Variants in MDM1 observed in about 807,000 individuals in gnomAD.
MDM1 encodes the protein stabilizer of axonemal microtubules 6.
A neutral mutation model predicts 89.1 loss-of-function variants in MDM1; 61 were observed. The ratio of observed to expected loss-of-function variants is 0.68; its 90% CI spans 0.56 to 0.85. The LOEUF (loss-of-function observed/expected upper bound fraction) is 0.85, where lower values mean the gene tolerates loss of function less well. MDM1 is among the 40% of genes least tolerant of loss of function. The pLI is 0.00. For missense variants in MDM1, 820 were observed against 846.5 expected (o/e 0.97, Z 0.39); for synonymous variants, 290 against 294.1 (o/e 0.99, Z 0.14).
At chr12:68,298,959 G>A (rs1871782659) in intron 13 of MDM1, among the ~76,000 whole-genome samples, 1 of 152,130 alleles carries the variant, frequency 6.6e-6, no homozygotes, top group South Asian at 2.1e-4. Context: ...CCGACACACT[G>A]AGTACACAGC....
At chr12:68,324,821 A>C (rs137950894) in intron 4 of MDM1, among the ~76,000 whole-genome samples, 1 of 152,304 alleles carries the variant, frequency 6.6e-6, no homozygotes, top group Non-Finnish European at 1.5e-5. Flanking sequence ...AGAACTCCCT[A>C]AAGGATGAAG....
At chr12:68,309,286 C>T (rs750040428) in intron 12 of MDM1, among the ~76,000 whole-genome samples, 3 of 152,192 alleles carry the variant, frequency 2.0e-5, no homozygotes, top group Non-Finnish European at 4.4e-5. Context: ...TTCTCCCCAT[C>T]CTTTTTTCCT....
At position 68,321,410 on chromosome 12, in the gene MDM1, G is replaced by T. The variant is rs762987152; in HGVS notation, c.942C>A (p.Ser314Arg). ...VNSEYRAKFLSPAQYLYKAGA... is the reference protein window; with the variant it reads ...VNSEYRAKFLRPAQYLYKAGA... The stretch of plus-strand genomic sequence containing the variant: ...CAGCTTTATATAAATACTGAGCTGG[G>T]CTCAGAAATTTTGCTCTATATTCGG... The change falls in exon 7 of 15, where the codon AGC becomes AGA. Residue 314 changes from serine (S) to arginine (R), a missense_variant. Ser to Arg is a moderately radical substitution (Grantham distance 110). Transcript: ENST00000682720. 8.1e-5 allele frequency: 131 copies of T among 1,613,614 alleles called. No individual in the cohort carries two copies. The highest frequency in any genetic ancestry group is 1.1e-4 in the Non-Finnish European group (130 of 1,179,850).
intron 10 of MDM1, among the ~76,000 whole-genome samples, chr12:68,314,123 C>T (rs920780505): frequency 7.5e-5 from 9 of 120,262 alleles, no homozygotes; most frequent in Non-Finnish European, 1.3e-4. Context: ...GGTGACAGAG[C>T]GAAACTCCGT....
intron 10 of MDM1, among the ~76,000 whole-genome samples, chr12:68,314,171 A>C (rs1344872028): frequency 6.6e-6 from 1 of 151,638 alleles, no homozygotes; most frequent in Non-Finnish European, 1.5e-5. Context: ...AGAGAAGGCC[A>C]TTTTGTTTCT....
intron 14 of MDM1, 50 bp downstream of exon 14, chr12:68,296,873 C>G: frequency 2.4e-6 from 3 of 1,273,044 alleles, no homozygotes; most frequent in Non-Finnish European, 3.2e-6. Context: ...AGCCATTATA[C>G]TCTCATAGAC....
chr12:68,331,168 C>T lies in MDM1; in HGVS notation c.72G>A (p.Glu24=). 6.2e-7 allele frequency: 1 copy of T among 1,612,520 alleles called. No individual in the cohort carries two copies. Among genetic ancestry groups the T allele is most frequent in the East Asian group, 2.2e-5 (1 of 44,886 alleles). Residue 24 remains glutamate (E), a synonymous_variant, in exon 2 of 15, where the codon GAG becomes GAA. Transcript: ENST00000682720. Reference sequence around the variant, plus strand: ...TTCGCCCCACGGAGGAATTACAAGACTCGGACAAATAAGACTTTTTCCACA... The same window carrying T: ...TTCGCCCCACGGAGGAATTACAAGATTCGGACAAATAAGACTTTTTCCACA... ...NFLWKKSYLS[E]SCNSSVGRKY...
chr12:68,302,657 A>G lies in MDM1; in HGVS notation c.1965T>C (p.Ile655=). 1.2e-6 allele frequency: 2 copies of G among 1,613,974 alleles called. No individual in the cohort carries two copies. Among genetic ancestry groups the G allele is most frequent in the Non-Finnish European group, 1.7e-6 (2 of 1,179,888 alleles). The change falls in exon 13 of 15, where the codon ATT becomes ATC. Residue 655 remains isoleucine (I), a synonymous_variant. Transcript: ENST00000682720. Reference sequence around the variant, plus strand: ...ACTCTGGATCTCTAAGAGAGCCCTGAATTCGTCGAGAGGGATGCCAGTAGG... The same window carrying G: ...ACTCTGGATCTCTAAGAGAGCCCTGGATTCGTCGAGAGGGATGCCAGTAGG... ...VPSYWHPSRR[I]QGSLRDPEFQ... is the part of the protein sequence containing the mutation.
Position 68,296,968 on chromosome 12 carries a change from T to C in MDM1, c.2017A>G (p.Met673Val), listed in dbSNP as rs751819612. Residue 673 changes from methionine (M) to valine (V), a missense_variant, in exon 14 of 15, where the codon ATG becomes GTG. By Grantham distance (21) the Met-to-Val change is conservative (BLOSUM62 1). Coordinates refer to ENST00000682720, the MANE Select transcript of MDM1 (RefSeq NM_001354969.2). ...TGTTGAGGTAACTGCAAATTGTTCA[T>C]CCTTGCTTTTCCCACTTAAAAAAAA... ...EFQHNVGKAR[M>V]NNLQLPQHEA... 6.3e-7 allele frequency: 1 copy of C among 1,593,050 alleles called. No homozygotes were observed. The highest frequency in any genetic ancestry group is 1.8e-5 in the Admixed American group (1 of 56,146).
chr12:68,316,092 T>C lies in MDM1; in HGVS notation c.1197A>G (p.Ala399=), dbSNP rs1874452967. 1.9e-6 allele frequency: 3 copies of C among 1,609,338 alleles called. No homozygotes were observed. The highest frequency in any genetic ancestry group is 2.2e-5 in the East Asian group (1 of 44,780). Reference sequence around the variant, plus strand: ...GAATATCTCACCCAGCAAGATCTAATGCTCTGATGTTGCTACTAACGGTTC... The same window carrying C: ...GAATATCTCACCCAGCAAGATCTAACGCTCTGATGTTGCTACTAACGGTTC... ...SEGTVSSNIR[A]LDLAGDPTSH... The change falls in exon 9 of 15, where the codon GCA becomes GCG. Residue 399 remains alanine, a synonymous_variant. Transcript: ENST00000682720.
chr12:68,302,985 AG>A, intron 12 of MDM1, 113 bp from the exon 13 acceptor site: 1 of 966,806 alleles, frequency 1.0e-6, no homozygotes, highest in Non-Finnish European at 1.5e-6. Context: ...GAGAAATATG[AG>A]AGAATTTATG....
At chr12:68,324,148 G>C (rs1332606333) in intron 4 of MDM1, among the ~76,000 whole-genome samples, 1 of 152,094 alleles carries the variant, frequency 6.6e-6, no homozygotes, top group Non-Finnish European at 1.5e-5. Flanking sequence ...AAAGAAAGCA[G>C]TAAAACTACT....
At chr12:68,314,136 CAA>C (rs35410942) in intron 10 of MDM1, among the ~76,000 whole-genome samples, 5 of 87,560 alleles carry the variant, frequency 5.7e-5, no homozygotes, top group Non-Finnish European at 6.6e-5. Context: ...AACTCCGTCT[CAA>C]AAAAAAAAAA....
At chr12:68,304,152 T>C (rs950443161) in intron 12 of MDM1, among the ~76,000 whole-genome samples, 1 of 152,308 alleles carries the variant, frequency 6.6e-6, no homozygotes, top group African/African-American at 2.4e-5. Flanking sequence ...GGCTCATGCC[T>C]GTAATCCTAG....
intron 12 of MDM1, 83 bp from the exon 13 acceptor site, chr12:68,302,955 AC>A (rs1156395713): frequency 1.7e-5 from 21 of 1,260,918 alleles, no homozygotes; most frequent in Non-Finnish European, 1.9e-5. Flanking sequence ...AATGCAAAAA[AC>A]ATAACCAAAA....
chr12:68,296,890 T>C, intron 14 of MDM1, 33 bp downstream of exon 14: 1 of 1,494,520 alleles, frequency 6.7e-7, no homozygotes, highest in East Asian at 2.4e-5. Context: ...AGACTAGAAC[T>C]CAAACTTTTA....
Position 68,323,095 on chromosome 12 carries a change from T to G in MDM1, c.779A>C (p.Glu260Ala), listed in dbSNP as rs745476279. The G allele has an allele frequency of 6.2e-6, 10 of 1,608,026 alleles. No homozygotes were observed. The highest frequency in any genetic ancestry group is 8.5e-6 in the Non-Finnish European group (10 of 1,178,412). ...RNDLRENRNLETVSPERKSNK... is the reference protein window; with the variant it reads ...RNDLRENRNLATVSPERKSNK... Reference sequence around the variant, plus strand: ...TACCTTCCTTTCAGGAGACACTGTTTCAAGATTTCTGTTTTCTCTCAAATC... The same window carrying G: ...TACCTTCCTTTCAGGAGACACTGTTGCAAGATTTCTGTTTTCTCTCAAATC... Residue 260 changes from glutamate (E) to alanine (A), a missense_variant, in exon 5 of 15, where the codon GAA (glutamate) becomes GCA (alanine). Transcript: ENST00000682720.
At chr12:68,309,383 T>G (rs1873374417) in intron 12 of MDM1, among the ~76,000 whole-genome samples, 2 of 152,238 alleles carry the variant, frequency 1.3e-5, no homozygotes, top group African/African-American at 4.8e-5. Context: ...GTTTCTGATC[T>G]CCATGATTAG....
intron 4 of MDM1, among the ~76,000 whole-genome samples, chr12:68,323,613 C>A (rs2121106893): frequency 6.6e-6 from 1 of 151,940 alleles, no homozygotes; most frequent in East Asian, 1.9e-4. Context: ...TTCTGAATAC[C>A]CAATATGTTC....
Sources: allele counts gnomAD v4.1 joint callset (sites outside exome capture counted in the v4.1 genomes callset), GRCh38; gene constraint gnomAD v4.1.1; transcripts MANE v1.5; gene names NCBI Gene and HGNC (gene_info 2026-07-23, HGNC 2026-07-21).